The following ANAPC10 variants were observed in gnomAD, a reference collection of about 807,000 sequenced individuals.
ANAPC10 encodes the protein anaphase promoting complex subunit 10.
A neutral mutation model predicts 22.0 loss-of-function variants in ANAPC10; 12 were observed. The ratio of observed to expected loss-of-function variants is 0.55; its 90% CI spans 0.35 to 0.88. The LOEUF (loss-of-function observed/expected upper bound fraction) is 0.88, where lower values mean the gene tolerates loss of function less well. ANAPC10 is among the 40% of genes least tolerant of loss of function. The probability of loss-of-function intolerance (pLI) is 0.01; values close to 1 mark genes in which losing one functional copy is unlikely to be tolerated. For missense variants in ANAPC10, 188 were observed against 220.9 expected (o/e 0.85, Z 0.94); for synonymous variants, 65 against 69.5 (o/e 0.94, Z 0.32).
chr4:145,081,040 G>A (rs1017007544), intron 3 of ANAPC10, among the ~76,000 whole-genome samples: 5 of 152,092 alleles, frequency 3.3e-5, no homozygotes, highest in African/African-American at 9.7e-5. Context: ...GGAGGCTGAG[G>A]TGGGAGGAAT....
At chr4:145,003,024 C>T (rs1732807478) in intron 4 of ANAPC10, among the ~76,000 whole-genome samples, 1 of 152,150 alleles carries the variant, frequency 6.6e-6, no homozygotes. Context: ...CCATCTTCCA[C>T]CCTCAAGAAA....
rs142339914 is a variant in ANAPC10 at position 145,018,356 on chromosome 4, G to A, written c.328-22753C>T. Among the ~76,000 whole-genome samples the A allele has an allele frequency of 1.6e-3, 246 of 152,036 alleles. 1 individual carries two copies. Among genetic ancestry groups the A allele is most frequent in the African/African-American group, 5.2e-3 (216 of 41,508 alleles). Reference sequence around the variant, plus strand: ...ATGGATAAGCATTCACCAACTGGCCGGGCACCGCGGCTCACACCTATAATC... The same window carrying A: ...ATGGATAAGCATTCACCAACTGGCCAGGCACCGCGGCTCACACCTATAATC... On this transcript the variant is annotated intron_variant, in intron 4 of 4. Transcript: ENST00000507656.
rs564836451 is a variant in ANAPC10 at position 145,034,551 on chromosome 4, G to A, written c.327+30021C>T. On this transcript the variant is annotated intron_variant, in intron 4 of 4. Transcript: ENST00000507656. ...TATATATATATATATATATGTGTGT[G>A]TGTGTGTGTGTGTGTGTGTGTGTGT... Among the ~76,000 whole-genome samples, 327 of 110,228 alleles carry A rather than the reference G, an allele frequency of 3.0e-3. 2 individuals are homozygous for A. The highest frequency in any genetic ancestry group is 0.011 in the East Asian group (29 of 2,644). The allele number at this position is 110,228 out of a possible 152,430, so 72.3% of individuals were successfully genotyped here. A position where few individuals can be genotyped will look rare whatever the true frequency, so the allele number is the denominator to read the frequency against.
chr4:145,018,002 T>C (rs1034106908), intron 4 of ANAPC10, among the ~76,000 whole-genome samples: 1 of 149,520 alleles, frequency 6.7e-6, no homozygotes, highest in Non-Finnish European at 1.5e-5. Context: ...TAGCATTAGG[T>C]GGTATACCTA....
At chr4:145,038,329 A>G (rs998501433) in intron 4 of ANAPC10, among the ~76,000 whole-genome samples, 1 of 151,924 alleles carries the variant, frequency 6.6e-6, no homozygotes, top group African/African-American at 2.4e-5. Context: ...CCTGGCCAAC[A>G]TGGCAAAACC....
At chr4:145,070,386 G>A (rs1168897182) in intron 3 of ANAPC10, among the ~76,000 whole-genome samples, 1 of 152,076 alleles carries the variant, frequency 6.6e-6, no homozygotes, top group Non-Finnish European at 1.5e-5. Flanking sequence ...CTCTGAAGAA[G>A]ATATACAAAT....
At chr4:145,058,984 T>G (rs139242518) in intron 4 of ANAPC10, among the ~76,000 whole-genome samples, 1 of 152,288 alleles carries the variant, frequency 6.6e-6, no homozygotes, top group East Asian at 1.9e-4. Context: ...AACTACTTTT[T>G]TAAAAAAATC....
chr4:145,016,408 T>A lies in ANAPC10; in HGVS notation c.328-20805A>T, dbSNP rs539471760. On this transcript the variant is annotated intron_variant, in intron 4 of 4. Transcript: ENST00000507656. ...CAATAAAATACCTAGGAATCCAACT[T>A]ACAAGGGATGTGAAGGACCTCTTCA... Among the ~76,000 whole-genome samples the A allele has an allele frequency of 2.2e-4, 33 of 152,208 alleles. No individual in the cohort carries two copies. In the South Asian group the frequency reaches 3.5e-3, roughly 16 times the overall value.
At chr4:145,006,619 G>A (rs1391367156) in intron 4 of ANAPC10, among the ~76,000 whole-genome samples, 2 of 151,922 alleles carry the variant, frequency 1.3e-5, no homozygotes, top group Non-Finnish European at 2.9e-5. Flanking sequence ...ATTTTTGTAG[G>A]TCAAAAATAA....
chr4:145,012,242 A>G (rs1018023744), intron 4 of ANAPC10, among the ~76,000 whole-genome samples: 2 of 150,118 alleles, frequency 1.3e-5, no homozygotes, highest in Non-Finnish European at 3.0e-5. Flanking sequence ...TAGTAGCTAC[A>G]TTAAAATTAA....
At chr4:145,088,473 C>A (rs1485709525) in intron 2 of ANAPC10, among the ~76,000 whole-genome samples, 1 of 152,208 alleles carries the variant, frequency 6.6e-6, no homozygotes, top group African/African-American at 2.4e-5. Context: ...ACTCCCTCCA[C>A]TCCCTCCTTC....
chr4:145,050,489 G>A (rs1294181923), intron 4 of ANAPC10, among the ~76,000 whole-genome samples: 2 of 152,212 alleles, frequency 1.3e-5, no homozygotes, highest in African/African-American at 4.8e-5. Context: ...CCTAACAAAA[G>A]AGCCAGCCTG....
chr4:145,064,619 T>G lies in ANAPC10; in HGVS notation c.280A>C (p.Ile94Leu). The G allele has an allele frequency of 6.2e-7, 1 of 1,608,956 alleles. No individual in the cohort carries two copies. Among genetic ancestry groups the G allele is most frequent in the East Asian group, 2.2e-5 (1 of 44,666 alleles). ...AAATTATTTCCTACTCTGACTGAGA[T>G]CTTGCTTGGAGTATAGCTTTCATCA... is the stretch of plus-strand genomic sequence containing the variant. ...KSDESYTPSK[I>L]SVRVGNNFHN... The change falls in exon 4 of 5, where the codon ATC becomes CTC. Residue 94 changes from isoleucine (I) to leucine (L), a missense_variant. By Grantham distance (5) the Ile-to-Leu change is conservative. Transcript: ENST00000507656.
At chr4:145,063,315 A>C (rs1743184158) in intron 4 of ANAPC10, among the ~76,000 whole-genome samples, 1 of 152,206 alleles carries the variant, frequency 6.6e-6, no homozygotes, top group South Asian at 2.1e-4. Flanking sequence ...ATATCTCAAA[A>C]GACAAAACAA....
At chr4:145,072,767 CT>C (rs940447728) in intron 3 of ANAPC10, among the ~76,000 whole-genome samples, 5 of 152,030 alleles carry the variant, frequency 3.3e-5, no homozygotes, top group Non-Finnish European at 7.4e-5. Flanking sequence ...TTAACATTTC[CT>C]TTTGGTGTTC....
chr4:145,068,136 G>T (rs1444860251), intron 3 of ANAPC10, among the ~76,000 whole-genome samples: 1 of 152,136 alleles, frequency 6.6e-6, no homozygotes, highest in Non-Finnish European at 1.5e-5. Context: ...GGACTGCCAG[G>T]CTCCTCTTAC....
At chr4:145,034,129 A>G (rs1738062930) in intron 4 of ANAPC10, among the ~76,000 whole-genome samples, 1 of 152,236 alleles carries the variant, frequency 6.6e-6, no homozygotes, top group East Asian at 1.9e-4. Flanking sequence ...CAAGTTGACA[A>G]GGGGTAGACT....
At chr4:145,080,259 C>CGG (rs1745806178) in intron 3 of ANAPC10, among the ~76,000 whole-genome samples, 1 of 152,038 alleles carries the variant, frequency 6.6e-6, no homozygotes, top group Non-Finnish European at 1.5e-5. Flanking sequence ...TACTTACTAC[C>CGG]TGGATGACGA....
intron 4 of ANAPC10, among the ~76,000 whole-genome samples, chr4:145,019,172 T>G (rs989517823): frequency 1.3e-5 from 2 of 152,190 alleles, no homozygotes; most frequent in African/African-American, 2.4e-5. Context: ...GCATGGGACT[T>G]TCTCCAAGAT....
Sources: allele counts gnomAD v4.1 joint callset (sites outside exome capture counted in the v4.1 genomes callset), GRCh38; gene constraint gnomAD v4.1.1; transcripts MANE v1.5; gene names NCBI Gene and HGNC (gene_info 2026-07-23, HGNC 2026-07-21).